Variants in OPA3 observed in about 807,000 individuals in gnomAD.
The protein encoded by OPA3 is outer mitochondrial membrane lipid metabolism regulator OPA3.
Under a neutral mutation model 4.0 loss-of-function variants are expected in OPA3, and 6 were observed. The observed-to-expected ratio is 1.51, with a 90% confidence interval of 0.83 to 2.99. OPA3 has a LOEUF of 2.99. Among genes scored for constraint, OPA3 ranks in the 30% most tolerant of loss-of-function variants. OPA3 has a pLI of 0.00. For missense variants in OPA3, 235 were observed against 256.2 expected (o/e 0.92, Z 0.56); for synonymous variants, 105 against 117.1 (o/e 0.90, Z 0.67).
chr19:45,549,576 G>A lies in OPA3; in HGVS notation c.*3938C>T, dbSNP rs1444304282. On this transcript the variant is annotated 3_prime_UTR_variant, in exon 2 of 2. Transcript: ENST00000263275. Reference sequence around the variant, plus strand: ...GCTCACTGCAACCTCCACCTCCTGGGTTCAAGCAATTCTCGTGCCTCAGCC... The same window carrying A: ...GCTCACTGCAACCTCCACCTCCTGGATTCAAGCAATTCTCGTGCCTCAGCC... 1.3e-5 allele frequency: 11 copies of A among 856,468 alleles called. No homozygotes were observed. Among genetic ancestry groups the A allele is most frequent in the Non-Finnish European group, 1.5e-5 (11 of 712,498 alleles). The allele number at this position is 856,468 out of a possible 1,614,324, so 53.1% of individuals were successfully genotyped here.
In OPA3 at chr19:45,572,350, C is replaced by T. The variant is rs1243194000; in HGVS notation, c.142+12273G>A. On this transcript the variant is annotated intron_variant, in intron 1 of 1. Coordinates refer to ENST00000263275, the MANE Select transcript of OPA3 (RefSeq NM_025136.4). ...ATATCGATATATATCTCATATATAT[C>T]GACATATATGAGATATATATCGATA... 1.6e-5 allele frequency among the ~76,000 whole-genome samples: 2 copies of T among 124,550 alleles called. 1 individual carries two copies. Among genetic ancestry groups the T allele is most frequent in the African/African-American group, 5.9e-5 (2 of 33,864 alleles). The allele number at this position is 124,550 out of a possible 152,430, so 81.7% of individuals were successfully genotyped here.
Position 45,548,399 on chromosome 19 carries a change from C to A in OPA3, c.*5115G>T, listed in dbSNP as rs929352492. 1 of 985,584 alleles carries A rather than the reference C, an allele frequency of 1.0e-6. No homozygotes were observed. The highest frequency in any genetic ancestry group is 6.1e-5 in the Admixed American group (1 of 16,288). The allele number at this position is 985,584 out of a possible 1,614,324, so 61.1% of individuals were successfully genotyped here. On this transcript the variant is annotated 3_prime_UTR_variant, in exon 2 of 2. Coordinates refer to ENST00000263275, the MANE Select transcript of OPA3 (RefSeq NM_025136.4). ...GATGGGAGGGGCACAGCCCTCAGGG[C>A]ACCTCCCAGGGTTTTGTGAGCTGGG...
intron 1 of OPA3, among the ~76,000 whole-genome samples, chr19:45,531,514 T>C (rs1969061319): frequency 6.6e-6 from 1 of 152,206 alleles, no homozygotes. Flanking sequence ...ACTGTCCTCC[T>C]TCATACTGCT....
At chr19:45,570,121 CCAGCG>C (rs2122487464) in intron 1 of OPA3, among the ~76,000 whole-genome samples, 1 of 152,264 alleles carries the variant, frequency 6.6e-6, no homozygotes, top group East Asian at 1.9e-4. Context: ...TTGCTTGCAG[CCAGCG>C]CAAGTAGATT....
chr19:45,558,490 G>A (rs1001677516), intron 1 of OPA3, among the ~76,000 whole-genome samples: 2 of 152,060 alleles, frequency 1.3e-5, no homozygotes, highest in African/African-American at 4.8e-5. Flanking sequence ...TACTGCGGTC[G>A]CCAGCCTGTT....
chr19:45,583,481 T>G (rs1056712871), intron 1 of OPA3, among the ~76,000 whole-genome samples: 5 of 150,658 alleles, frequency 3.3e-5, no homozygotes, highest in African/African-American at 1.2e-4. Flanking sequence ...GTTTATATTT[T>G]GGGTGTTTAC....
intron 1 of OPA3, among the ~76,000 whole-genome samples, chr19:45,531,061 A>T (rs971959682): frequency 1.4e-5 from 2 of 144,726 alleles, no homozygotes; most frequent in African/African-American, 5.1e-5. Context: ...AAGTGCTGGG[A>T]TTACAGGCAT....
Position 45,550,178 on chromosome 19 carries a change from A to G in OPA3, c.*3336T>C. On this transcript the variant is annotated 3_prime_UTR_variant, in exon 2 of 2. Transcript: ENST00000263275. Reference sequence around the variant, plus strand: ...TCCGAAAGAAAAGAAAAGAAAAAAGAAGAGAAAAGAAGAAAAGAAAAGTTT... The same window carrying G: ...TCCGAAAGAAAAGAAAAGAAAAAAGGAGAGAAAAGAAGAAAAGAAAAGTTT... 1.0e-6 allele frequency: 1 copy of G among 981,372 alleles called. No homozygotes were observed. The highest frequency in any genetic ancestry group is 6.2e-5 in the Admixed American group (1 of 16,252). The allele number at this position is 981,372 out of a possible 1,614,324, so 60.8% of individuals were successfully genotyped here.
At chr19:45,540,797 C>T (rs1228306064) in intron 1 of OPA3, among the ~76,000 whole-genome samples, 5 of 129,394 alleles carry the variant, frequency 3.9e-5, no homozygotes, top group Non-Finnish European at 7.2e-5. Flanking sequence ...AGAGAGACTC[C>T]GTCTCAAAAA....
intron 1 of OPA3, among the ~76,000 whole-genome samples, chr19:45,571,899 G>C: frequency 6.6e-6 from 1 of 152,014 alleles, no homozygotes; most frequent in East Asian, 1.9e-4. Context: ...GTCCTTTCTA[G>C]AAGTTTTGTT....
chr19:45,554,815 G>A (rs999067488), intron 1 of OPA3, among the ~76,000 whole-genome samples: 2 of 152,130 alleles, frequency 1.3e-5, no homozygotes, highest in African/African-American at 4.8e-5. Context: ...TTTTAGAGAC[G>A]GAGTCTCACT....
At chr19:45,532,818 A>G (rs1053038620) in intron 1 of OPA3, among the ~76,000 whole-genome samples, 2 of 151,966 alleles carry the variant, frequency 1.3e-5, no homozygotes, top group Non-Finnish European at 2.9e-5. Flanking sequence ...GCCTCAAGCA[A>G]TCCTCCCACC....
At chr19:45,573,988 C>T (rs905523944) in intron 1 of OPA3, among the ~76,000 whole-genome samples, 1 of 151,800 alleles carries the variant, frequency 6.6e-6, no homozygotes, top group Admixed American at 6.6e-5. Context: ...CATGGTGAAA[C>T]CCCGTCTCTA....
At position 45,574,398 on chromosome 19, in the gene OPA3, A is replaced by G. The variant is rs1350137399; in HGVS notation, c.142+10225T>C. Among the ~76,000 whole-genome samples, 42 of 147,530 alleles carry G rather than the reference A, an allele frequency of 2.8e-4. 1 individual carries two copies. The East Asian group carries it at 7.3e-3, about 26-fold the overall frequency. On this transcript the variant is annotated intron_variant, in intron 1 of 1. Transcript: ENST00000263275. Reference sequence around the variant, plus strand: ...GGCGACAGAGCAAGACTCTGTCTCAAAAAAAAAAAAAAAAAAGAAAAAAAA... The same window carrying G: ...GGCGACAGAGCAAGACTCTGTCTCAGAAAAAAAAAAAAAAAAGAAAAAAAA...
chr19:45,545,595 C>T (rs1723240695), downstream of OPA3, among the ~76,000 whole-genome samples: 1 of 152,060 alleles, frequency 6.6e-6, no homozygotes, highest in African/African-American at 2.4e-5. Flanking sequence ...TGGCTCACAC[C>T]TGTAATCCCA....
chr19:45,538,206 G>C (rs960462463), intron 1 of OPA3, among the ~76,000 whole-genome samples: 3 of 150,848 alleles, frequency 2.0e-5, no homozygotes, highest in Non-Finnish European at 4.4e-5. Flanking sequence ...CAAGGTAGGA[G>C]GATTGCTTGA....
intron 1 of OPA3, among the ~76,000 whole-genome samples, chr19:45,567,959 C>T (rs1202382697): frequency 6.6e-6 from 1 of 152,052 alleles, no homozygotes; most frequent in Non-Finnish European, 1.5e-5. Context: ...GTTGCACTTC[C>T]CCAGATGTGA....
At chr19:45,562,680 A>T (rs182889941) in intron 1 of OPA3, among the ~76,000 whole-genome samples, 33 of 152,314 alleles carry the variant, frequency 2.2e-4, no homozygotes, top group Non-Finnish European at 2.6e-4. Flanking sequence ...AGCGAGACTC[A>T]GTCTCAAAAA....
chr19:45,559,397 C>CTTTTTT (rs71338781), intron 1 of OPA3, among the ~76,000 whole-genome samples: 14 of 59,924 alleles, frequency 2.3e-4, no homozygotes, highest in Non-Finnish European at 2.7e-4. Context: ...CTTTTTCTTT[C>CTTTTTT]TTTTTTTTTT....
Sources: allele counts gnomAD v4.1 joint callset (sites outside exome capture counted in the v4.1 genomes callset), GRCh38; gene constraint gnomAD v4.1.1; transcripts MANE v1.5; gene names NCBI Gene and HGNC (gene_info 2026-07-23, HGNC 2026-07-21).